Variants in DHRSX observed in about 807,000 individuals in gnomAD.
DHRSX encodes the protein dehydrogenase/reductase X-linked, also known as polyprenol dehydrogenase.
DHRSX carries 31 observed loss-of-function variants against 34.0 expected under a neutral mutation model. The ratio of observed to expected loss-of-function variants is 0.91; its 90% CI spans 0.69 to 1.23. The LOEUF (loss-of-function observed/expected upper bound fraction) is 1.23, where lower values mean the gene tolerates loss of function less well. Among genes scored for constraint, DHRSX ranks in the 50% most tolerant of loss-of-function variants. The pLI is 0.00. For missense variants in DHRSX, 414 were observed against 428.1 expected (o/e 0.97, Z 0.29); for synonymous variants, 201 against 183.8 (o/e 1.09, Z -0.76).
intron 1 of DHRSX, among the ~76,000 whole-genome samples, chrX:2,443,744 C>T (rs1248912045): frequency 9.2e-5 from 14 of 152,138 alleles, no homozygotes; most frequent in African/African-American, 3.4e-4. Context: ...CGGTAGCTCA[C>T]GCCTGTAATC....
rs764715471 is a variant in DHRSX, at chrX:2,324,218, C to G, written c.287-32615G>C. On this transcript the variant is annotated intron_variant, in intron 3 of 6. Transcript: ENST00000334651. ...AGGACCCATTTCCCTCCAAGGAGAACAGCATTGCAAGGGGGTTGAGGACGC... is the reference window on the plus strand; with the variant it reads ...AGGACCCATTTCCCTCCAAGGAGAAGAGCATTGCAAGGGGGTTGAGGACGC... 4.6e-5 allele frequency among the ~76,000 whole-genome samples: 7 copies of G among 152,184 alleles called. No individual in the cohort carries two copies. In the South Asian group the frequency reaches 1.5e-3, roughly 32 times the overall value.
intron 1 of DHRSX, among the ~76,000 whole-genome samples, chrX:2,469,209 G>A (rs2044549707): frequency 6.9e-6 from 1 of 144,350 alleles, no homozygotes; most frequent in Non-Finnish European, 1.5e-5. Flanking sequence ...CTGAAGACTC[G>A]TTCCCTAGGC....
rs193077775 is a variant in DHRSX, at chrX:2,405,494, T to A, written c.286+3251A>T. 3.0e-3 allele frequency among the ~76,000 whole-genome samples: 450 copies of A among 147,932 alleles called. 5 individuals carry two copies. The highest frequency in any genetic ancestry group is 0.011 in the African/African-American group (428 of 39,948). ...TAGAGTGAGACTCTGTCTCAAAATATTAATAATAATCGTCATCATCATCAA... is the reference window on the plus strand; with the variant it reads ...TAGAGTGAGACTCTGTCTCAAAATAATAATAATAATCGTCATCATCATCAA... On this transcript the variant is annotated intron_variant, in intron 3 of 6. Coordinates refer to ENST00000334651, the MANE Select transcript of DHRSX (RefSeq NM_145177.3).
At chrX:2,361,118 AGTTT>A (rs1353919351) in intron 3 of DHRSX, among the ~76,000 whole-genome samples, 13 of 152,008 alleles carry the variant, frequency 8.6e-5, no homozygotes, top group African/African-American at 3.1e-4. Flanking sequence ...TTATCATAAA[AGTTT>A]GTTTGTGAGA....
chrX:2,389,480 G>A (rs933385808), intron 3 of DHRSX, among the ~76,000 whole-genome samples: 3 of 152,146 alleles, frequency 2.0e-5, no homozygotes, highest in African/African-American at 7.2e-5. Flanking sequence ...CTTGGGAGAG[G>A]GAGACAGGGA....
At chrX:2,423,547 A>T (rs2043807538) in intron 2 of DHRSX, among the ~76,000 whole-genome samples, 1 of 152,260 alleles carries the variant, frequency 6.6e-6, no homozygotes, top group East Asian at 1.9e-4. Context: ...AGCTATGATT[A>T]TGTCACTGCA....
At chrX:2,364,030 T>C (rs917807516) in intron 3 of DHRSX, among the ~76,000 whole-genome samples, 1 of 152,038 alleles carries the variant, frequency 6.6e-6, no homozygotes, top group African/African-American at 2.4e-5. Flanking sequence ...ACAGCCATGT[T>C]TGGAGGGGAA....
chrX:2,403,715 G>T (rs753784217), intron 3 of DHRSX, among the ~76,000 whole-genome samples: 1 of 152,150 alleles, frequency 6.6e-6, no homozygotes, highest in East Asian at 1.9e-4. Context: ...AATTAGCCGG[G>T]CCTGGTGGTG....
intron 1 of DHRSX, among the ~76,000 whole-genome samples, chrX:2,432,199 A>C (rs2043935425): frequency 6.6e-6 from 1 of 152,134 alleles, no homozygotes; most frequent in Non-Finnish European, 1.5e-5. Flanking sequence ...GTCTCAAAAA[A>C]AAAATTTTTT....
chrX:2,421,954 A>G (rs1371180861), intron 2 of DHRSX, among the ~76,000 whole-genome samples: 1 of 152,158 alleles, frequency 6.6e-6, no homozygotes, highest in East Asian at 1.9e-4. Flanking sequence ...TAGCCTGTCC[A>G]ATGAGCACCA....
At chrX:2,490,393 C>T (rs199866649) in intron 1 of DHRSX, 14 of 1,613,692 alleles carry the variant, frequency 8.7e-6, no homozygotes, top group Non-Finnish European at 1.2e-5. Flanking sequence ...TGACGGCCAG[C>T]GCGTCCTGCC....
chrX:2,289,119 C>T (rs1325848306), intron 4 of DHRSX, among the ~76,000 whole-genome samples: 1 of 151,656 alleles, frequency 6.6e-6, no homozygotes, highest in Non-Finnish European at 1.5e-5. Context: ...TCTGACATTC[C>T]TAATTTTTTT....
intron 3 of DHRSX, among the ~76,000 whole-genome samples, chrX:2,353,720 A>AC (rs2042815231): frequency 6.6e-6 from 1 of 150,712 alleles, no homozygotes; most frequent in African/African-American, 2.5e-5. Context: ...AGTAGGTGGG[A>AC]CTACAGGCAT....
At chrX:2,492,449 T>C (rs1485889783) in intron 1 of DHRSX, among the ~76,000 whole-genome samples, 3 of 145,298 alleles carry the variant, frequency 2.1e-5, no homozygotes, top group Non-Finnish European at 3.0e-5. Context: ...CTGGATAAAA[T>C]CATGGTGGAT....
At chrX:2,311,663 T>C (rs1720276524) in intron 3 of DHRSX, among the ~76,000 whole-genome samples, 1 of 152,134 alleles carries the variant, frequency 6.6e-6, no homozygotes, top group Non-Finnish European at 1.5e-5. Flanking sequence ...GAAGTCAATC[T>C]TGATGTTGCC....
chrX:2,444,916 G>A (rs1313816436), intron 1 of DHRSX, among the ~76,000 whole-genome samples: 4 of 152,266 alleles, frequency 2.6e-5, no homozygotes, highest in South Asian at 4.1e-4. Context: ...CAGCACTTTG[G>A]GAGGCCGAGG....
intron 1 of DHRSX, among the ~76,000 whole-genome samples, chrX:2,451,532 C>A (rs184959702): frequency 7.2e-5 from 11 of 152,258 alleles, no homozygotes; most frequent in Non-Finnish European, 1.5e-5. Flanking sequence ...TTCTTGGTAG[C>A]AAGCGTGTAG....
chrX:2,454,982 T>C lies in DHRSX; in HGVS notation c.110-29678A>G, dbSNP rs907720096. ...ACAAAATTAGCTGGGCGTGGTGGCA[T>C]GCACCTGTAATCTCAGCTACTCAGA... On this transcript the variant is annotated intron_variant, in intron 1 of 6. Transcript: ENST00000334651. Among the ~76,000 whole-genome samples the C allele has an allele frequency of 2.0e-4, 31 of 151,456 alleles. 1 individual carries two copies. The highest frequency in any genetic ancestry group is 3.7e-4 in the Non-Finnish European group (25 of 67,836).
rs1205513336 is a variant in DHRSX, at chrX:2,488,995, G to C, written c.109+11822C>G. Reference sequence around the variant, plus strand: ...TGAGGCCAAGCACCTTCTGGGACTTGAAGTTGCTCAGCTCCTCCACCACCT... The same window carrying C: ...TGAGGCCAAGCACCTTCTGGGACTTCAAGTTGCTCAGCTCCTCCACCACCT... On this transcript the variant is annotated intron_variant, in intron 1 of 6. Coordinates refer to ENST00000334651, the MANE Select transcript of DHRSX (RefSeq NM_145177.3). 6 of 1,607,560 alleles carry C rather than the reference G, an allele frequency of 3.7e-6. No individual in the cohort carries two copies. In the East Asian group the frequency reaches 1.3e-4, roughly 36 times the overall value.
Sources: gnomAD v4.1 joint callset for allele counts (sites outside exome capture counted in the v4.1 genomes callset) on GRCh38, gnomAD v4.1.1 for gene constraint, MANE v1.5 for transcripts, NCBI Gene and HGNC (gene_info 2026-07-23, HGNC 2026-07-21) for gene names.